Variants in KCNIP1 observed in about 807,000 individuals in gnomAD.
The protein encoded by KCNIP1 is potassium voltage-gated channel interacting protein 1.
In KCNIP1, 18 loss-of-function variants were observed where a neutral mutation model predicts 33.0. That is an observed-to-expected ratio of 0.55 (90% CI 0.38 to 0.81). The LOEUF is 0.81. KCNIP1 is among the 30% of genes least tolerant of loss of function. The pLI is 0.00. For missense variants in KCNIP1, 238 were observed against 271.6 expected (o/e 0.88, Z 0.87); for synonymous variants, 93 against 98.3 (o/e 0.95, Z 0.32).
intron 1 of KCNIP1, among the ~76,000 whole-genome samples, chr5:170,643,209 G>A (rs1760647297): frequency 6.6e-6 from 1 of 152,234 alleles, no homozygotes; most frequent in South Asian, 2.1e-4. Flanking sequence ...GCGTCCAGGT[G>A]GCTGGAAGCC....
chr5:170,458,413 A>C (rs7716250), intron 1 of KCNIP1, among the ~76,000 whole-genome samples: 9,992 of 152,236 alleles, frequency 0.066, 588 homozygotes, highest in African/African-American at 0.16. Context: ...ATCTAAAGTT[A>C]AGATGAAGGA....
At chr5:170,719,636 C>G (rs1763750698) in intron 2 of KCNIP1, among the ~76,000 whole-genome samples, 1 of 152,158 alleles carries the variant, frequency 6.6e-6, no homozygotes, top group South Asian at 2.1e-4. Context: ...TGAGCTGGGT[C>G]AGTTCCAAAC....
At chr5:170,624,724 C>A (rs9790981) in intron 1 of KCNIP1, among the ~76,000 whole-genome samples, 4 of 36,984 alleles carry the variant, frequency 1.1e-4, no homozygotes, top group African/African-American at 5.3e-4. Flanking sequence ...GAAAGGAGAC[C>A]GGGGAGGTGG....
In KCNIP1 at chr5:170,379,793, G is replaced by T. The variant is rs546091902; in HGVS notation, c.88+25829G>T. On this transcript the variant is annotated intron_variant, in intron 1 of 7. Coordinates refer to the KCNIP1 transcript ENST00000377360. Reference sequence around the variant, plus strand: ...GCAAGACTTTATCTCTACAAAAAAAGTTAAAAATTATCCAGGTGGGCATGG... The same window carrying T: ...GCAAGACTTTATCTCTACAAAAAAATTTAAAAATTATCCAGGTGGGCATGG... 2.0e-5 allele frequency among the ~76,000 whole-genome samples: 3 copies of T among 152,000 alleles called. No homozygotes were observed. The East Asian group carries it at 5.8e-4, about 29-fold the overall frequency.
intron 1 of KCNIP1, among the ~76,000 whole-genome samples, chr5:170,623,265 G>A (rs2113648826): frequency 6.6e-6 from 1 of 151,700 alleles, no homozygotes; most frequent in South Asian, 2.1e-4. Context: ...CCAGGCTGGA[G>A]TGCAATGGCA....
chr5:170,356,794 G>A (rs1763360886), intron 1 of KCNIP1, among the ~76,000 whole-genome samples: 1 of 152,204 alleles, frequency 6.6e-6, no homozygotes, highest in Non-Finnish European at 1.5e-5. Flanking sequence ...ACAGACACCA[G>A]CCGTCAGCCT....
rs144957779 is a variant in KCNIP1, at chr5:170,711,712, T to C, written c.62-7046T>C. On this transcript the variant is annotated intron_variant, in intron 1 of 7. Coordinates refer to ENST00000328939, the MANE Select transcript of KCNIP1 (RefSeq NM_014592.4). Reference sequence around the variant, plus strand: ...CAATTTTTCTGTAACCTGAAACAGCTCTAAAAATAAAGTATATTTATAAAA... The same window carrying C: ...CAATTTTTCTGTAACCTGAAACAGCCCTAAAAATAAAGTATATTTATAAAA... Among the ~76,000 whole-genome samples the C allele has an allele frequency of 1.1e-3, 170 of 152,192 alleles. 1 individual carries two copies. Among genetic ancestry groups the C allele is most frequent in the African/African-American group, 4.0e-3 (165 of 41,518 alleles).
chr5:170,623,316 A>G (rs926387699), intron 1 of KCNIP1, among the ~76,000 whole-genome samples: 5 of 151,162 alleles, frequency 3.3e-5, no homozygotes, highest in African/African-American at 1.2e-4. Flanking sequence ...GGTTCAAGCC[A>G]TTCTCCTCCC....
At position 170,721,903 on chromosome 5, in the gene KCNIP1, G is replaced by GGTAC. The variant is rs762789054; in HGVS notation, c.327+2_327+5dup. 29 of 1,613,976 alleles carry GGTAC rather than the reference G, an allele frequency of 1.8e-5. No individual in the cohort carries two copies. The highest frequency in any genetic ancestry group is 2.0e-5 in the Non-Finnish European group (24 of 1,180,014). On this transcript the variant is annotated frameshift_variant and splice_region_variant. Transcript: ENST00000328939. LOFTEE classifies it high-confidence loss of function. ...CTCAGACAGGCTCCGTGAAGTTCGA[G>GGTAC]GTACGCTCATCTGGGGTCCACTCTA... is the stretch of plus-strand genomic sequence containing the variant.
chr5:170,583,793 C>A (rs1757885517), intron 1 of KCNIP1, among the ~76,000 whole-genome samples: 1 of 152,204 alleles, frequency 6.6e-6, no homozygotes, highest in Non-Finnish European at 1.5e-5. Context: ...TCTTCTTTAT[C>A]TCTGTCCCCC....
rs1764121289 is a variant in KCNIP1, at chr5:170,378,910, T to A, written c.88+24946T>A. ...ACCTGCTGCTCTTGGAATTTGGCTC[T>A]GACCTTCTCCACGTCGGCCCGGGCC... On this transcript the variant is annotated intron_variant, in intron 1 of 7. Transcript: ENST00000377360. 5.0e-6 allele frequency: 8 copies of A among 1,614,240 alleles called. No homozygotes were observed. In the South Asian group the frequency reaches 8.8e-5, roughly 18 times the overall value.
chr5:170,502,038 G>A (rs1757423191), upstream of KCNIP1, among the ~76,000 whole-genome samples: 1 of 152,200 alleles, frequency 6.6e-6, no homozygotes, highest in Non-Finnish European at 1.5e-5. Context: ...TCATCTGTGA[G>A]CAGGGGTTCC....
At chr5:170,515,643 C>G (rs1446638912) in intron 1 of KCNIP1, among the ~76,000 whole-genome samples, 2 of 152,218 alleles carry the variant, frequency 1.3e-5, no homozygotes, top group Non-Finnish European at 2.9e-5. Context: ...GATGAGGACA[C>G]TGAAGACTAG....
intron 1 of KCNIP1, among the ~76,000 whole-genome samples, chr5:170,557,822 G>A (rs964812067): frequency 5.3e-5 from 8 of 152,212 alleles, no homozygotes; most frequent in Non-Finnish European, 8.8e-5. Context: ...AGAGAGCTTT[G>A]AAGCCACAGT....
chr5:170,672,572 G>C (rs561957486), intron 1 of KCNIP1, among the ~76,000 whole-genome samples: 3 of 152,382 alleles, frequency 2.0e-5, no homozygotes, highest in Admixed American at 2.0e-4. Context: ...GTAATCAGCT[G>C]CTGCTGAGAG....
intron 1 of KCNIP1, among the ~76,000 whole-genome samples, chr5:170,379,283 T>C (rs1177495959): frequency 6.6e-6 from 1 of 152,146 alleles, no homozygotes; most frequent in Non-Finnish European, 1.5e-5. Context: ...TCTCACTCTT[T>C]CTGAGCCCTG....
chr5:170,423,763 G>A (rs1755551330), intron 1 of KCNIP1, among the ~76,000 whole-genome samples: 1 of 152,166 alleles, frequency 6.6e-6, no homozygotes, highest in African/African-American at 2.4e-5. Flanking sequence ...TTTATTCTGT[G>A]TGGAATTTTT....
chr5:170,618,180 A>G (rs140655003), intron 1 of KCNIP1, among the ~76,000 whole-genome samples: 2 of 152,056 alleles, frequency 1.3e-5, no homozygotes, highest in Non-Finnish European at 2.9e-5. Flanking sequence ...GTAATCACAG[A>G]CAAAATGGGA....
At chr5:170,533,915 G>A (rs1370514603) in intron 1 of KCNIP1, among the ~76,000 whole-genome samples, 1 of 152,154 alleles carries the variant, frequency 6.6e-6, no homozygotes, top group Non-Finnish European at 1.5e-5. Flanking sequence ...GGAGTGGGAG[G>A]GCGGTTGACT....
Sources: gnomAD v4.1 joint callset for allele counts (sites outside exome capture counted in the v4.1 genomes callset) on GRCh38, gnomAD v4.1.1 for gene constraint, MANE v1.5 for transcripts, NCBI Gene and HGNC (gene_info 2026-07-23, HGNC 2026-07-21) for gene names.